The following KCNQ5 variants were observed in gnomAD, a reference collection of about 807,000 sequenced individuals.
KCNQ5 encodes the protein potassium voltage-gated channel subfamily KQT member 5.
Under a neutral mutation model 98.2 loss-of-function variants are expected in KCNQ5, and 30 were observed. The observed-to-expected ratio is 0.31, with a 90% CI of 0.23 to 0.41. The LOEUF is 0.41. KCNQ5 is among the 10% of genes least tolerant of loss of function. The pLI is 1.00. For synonymous variants in KCNQ5, 458 were observed against 449.4 expected (o/e 1.02, Z -0.24); for missense variants, 835 against 1,182.5 (o/e 0.71, Z 4.31).
chr6:73,158,508 C>G (rs895833715), intron 10 of KCNQ5, among the ~76,000 whole-genome samples: 2 of 152,098 alleles, frequency 1.3e-5, no homozygotes, highest in South Asian at 4.2e-4. Flanking sequence ...CTCAGGGATC[C>G]GCGCGCCTCA....
At chr6:72,777,969 A>AT (rs1322877984) in intron 1 of KCNQ5, among the ~76,000 whole-genome samples, 1 of 152,216 alleles carries the variant, frequency 6.6e-6, no homozygotes, top group Non-Finnish European at 1.5e-5. Flanking sequence ...GTTAGAGAAA[A>AT]TCAGTTGGCA....
chr6:72,958,225 G>C (rs1408344042), intron 1 of KCNQ5, among the ~76,000 whole-genome samples: 1 of 152,200 alleles, frequency 6.6e-6, no homozygotes, highest in African/African-American at 2.4e-5. Flanking sequence ...GCAGTAGAGA[G>C]GTAGTCAATG....
At chr6:72,899,853 T>C (rs1021472422) in intron 1 of KCNQ5, among the ~76,000 whole-genome samples, 4 of 151,948 alleles carry the variant, frequency 2.6e-5, no homozygotes, top group Non-Finnish European at 5.9e-5. Context: ...TCTTTCTCTT[T>C]TTTTTTTTCT....
intron 1 of KCNQ5, among the ~76,000 whole-genome samples, chr6:72,923,000 C>T (rs927417472): frequency 5.3e-5 from 8 of 151,580 alleles, no homozygotes; most frequent in Non-Finnish European, 1.0e-4. Flanking sequence ...TTAGTAGAGA[C>T]GGGGTTCCAC....
intron 1 of KCNQ5, among the ~76,000 whole-genome samples, chr6:72,949,719 A>G (rs1389891650): frequency 1.3e-5 from 2 of 152,230 alleles, no homozygotes; most frequent in African/African-American, 2.4e-5. Flanking sequence ...CATTTCTGCA[A>G]TAGTTAATAA....
intron 1 of KCNQ5, among the ~76,000 whole-genome samples, chr6:72,995,605 G>T (rs1769259178): frequency 6.6e-6 from 1 of 152,082 alleles, no homozygotes; most frequent in African/African-American, 2.4e-5. Flanking sequence ...GATAGTCGTG[G>T]GAGAAGAGGT....
intron 9 of KCNQ5, chr6:73,129,878 G>A: frequency 6.3e-7 from 1 of 1,595,658 alleles, no homozygotes; most frequent in Non-Finnish European, 8.6e-7. Context: ...ATTGACATGA[G>A]ATTTGAGAAT....
intron 11 of KCNQ5, among the ~76,000 whole-genome samples, chr6:73,170,804 G>A (rs908556857): frequency 7.3e-5 from 11 of 151,720 alleles, no homozygotes; most frequent in Admixed American, 1.3e-4. Context: ...TGTGGTGGCG[G>A]GCACCTGTAA....
chr6:72,681,250 A>G (rs1282102753), intron 1 of KCNQ5, among the ~76,000 whole-genome samples: 2 of 152,214 alleles, frequency 1.3e-5, no homozygotes, highest in Non-Finnish European at 2.9e-5. Flanking sequence ...TTGCTGTGTG[A>G]TGATGCTAGT....
chr6:72,921,695 A>G (rs1780407441), intron 1 of KCNQ5, among the ~76,000 whole-genome samples: 1 of 152,190 alleles, frequency 6.6e-6, no homozygotes, highest in Non-Finnish European at 1.5e-5. Context: ...AGTTCTTTGT[A>G]GACACTCAGT....
intron 1 of KCNQ5, among the ~76,000 whole-genome samples, chr6:72,736,432 G>A (rs967310768): frequency 2.0e-5 from 3 of 151,036 alleles, no homozygotes; most frequent in South Asian, 2.1e-4. Flanking sequence ...ATCTGCTTAT[G>A]AAGTAATATA....
At chr6:73,003,514 C>T (rs561825864) in intron 1 of KCNQ5, among the ~76,000 whole-genome samples, 1 of 152,184 alleles carries the variant, frequency 6.6e-6, no homozygotes, top group Admixed American at 6.5e-5. Context: ...GAGACAGACT[C>T]GGCTCCTTTG....
At chr6:73,174,730 C>T (rs1402945918) in intron 11 of KCNQ5, among the ~76,000 whole-genome samples, 2 of 152,198 alleles carry the variant, frequency 1.3e-5, no homozygotes, top group Non-Finnish European at 2.9e-5. Context: ...CCTCTTCAAG[C>T]CTCTGTTTCC....
chr6:72,848,824 C>A (rs1321214478), intron 1 of KCNQ5, among the ~76,000 whole-genome samples: 1 of 152,152 alleles, frequency 6.6e-6, no homozygotes, highest in African/African-American at 2.4e-5. Flanking sequence ...TTGCTCAGCA[C>A]TTCTCCTTGC....
intron 11 of KCNQ5, among the ~76,000 whole-genome samples, chr6:73,188,982 C>CAAAAAAA (rs67431655): frequency 1.7e-4 from 14 of 82,414 alleles, no homozygotes; most frequent in African/African-American, 4.9e-4. Flanking sequence ...GACTCTGTCT[C>CAAAAAAA]AAAAAAAAAA....
chr6:73,085,008 G>T (rs6939209), intron 5 of KCNQ5, among the ~76,000 whole-genome samples: 21,612 of 152,134 alleles, frequency 0.14, 3,008 homozygotes, highest in African/African-American at 0.37. Context: ...GAAAAGAAAA[G>T]AAATATAATG....
chr6:72,655,087 T>C (rs866926241), intron 1 of KCNQ5, among the ~76,000 whole-genome samples: 4 of 149,724 alleles, frequency 2.7e-5, no homozygotes, highest in African/African-American at 9.8e-5. Flanking sequence ...TTTCTTTCTT[T>C]CTTTCTTTCT....
intron 2 of KCNQ5, among the ~76,000 whole-genome samples, chr6:73,021,485 T>C (rs1217371993): frequency 6.6e-6 from 1 of 152,216 alleles, no homozygotes; most frequent in Non-Finnish European, 1.5e-5. Context: ...TTATTTGTTA[T>C]TGTCTTTCAT....
intron 6 of KCNQ5, among the ~76,000 whole-genome samples, chr6:73,109,476 AT>A (rs1775137590): frequency 6.6e-6 from 1 of 152,222 alleles, no homozygotes; most frequent in South Asian, 2.1e-4. Flanking sequence ...AAATTTTGGT[AT>A]TTCATATTCT....
Sources: gnomAD v4.1 joint callset for allele counts (sites outside exome capture counted in the v4.1 genomes callset) on GRCh38, gnomAD v4.1.1 for gene constraint, MANE v1.5 for transcripts, NCBI Gene and HGNC (gene_info 2026-07-23, HGNC 2026-07-21) for gene names.